RCC1L: variants seen among roughly 807,000 people sequenced by gnomAD.
The protein encoded by RCC1L is RCC1-like G exchanging factor-like protein.
A neutral mutation model predicts 58.6 loss-of-function variants in RCC1L; 46 were observed. That is an observed-to-expected ratio of 0.79 (90% CI 0.62 to 1.00). The LOEUF (loss-of-function observed/expected upper bound fraction) is 1.00, where lower values mean the gene tolerates loss of function less well. RCC1L is among the 50% of genes least tolerant of loss of function. The pLI is 0.00. For missense variants in RCC1L, 636 were observed against 623.6 expected, an observed-to-expected ratio of 1.02 and a Z score of -0.21; for synonymous variants, 281 against 262.9, an observed-to-expected ratio of 1.07 and a Z score of -0.67.
At chr7:75,038,751 AG>A (rs1327450418), downstream of RCC1L, among the ~76,000 whole-genome samples, 1 of 152,112 alleles carries the variant, frequency 6.6e-6, no homozygotes. Context: ...GGCACCCACC[AG>A]GGGGCCCTTG....
intron 9 of RCC1L, among the ~76,000 whole-genome samples, chr7:75,055,250 C>T (rs1263611004): frequency 1.3e-5 from 2 of 152,232 alleles, no homozygotes; most frequent in Non-Finnish European, 2.9e-5. Context: ...CAAATTGAAC[C>T]CACGGTAACT....
In RCC1L at chr7:75,034,048, GA is replaced by G. The variant is rs1407742584; in HGVS notation, c.1318-5970del. On this transcript the variant is annotated intron_variant, in intron 10 of 10. Coordinates refer to the RCC1L transcript ENST00000614461. Reference sequence around the variant, plus strand: ...CGGAAAGAAAATATGCACCGAAAGGGAATGTGTGCAATGAAATCATGGTGAC... The same window carrying G: ...CGGAAAGAAAATATGCACCGAAAGGGATGTGTGCAATGAAATCATGGTGAC... Among the ~76,000 whole-genome samples the G allele has an allele frequency of 7.2e-5, 11 of 152,268 alleles. No individual in the cohort carries two copies. The East Asian group carries it at 1.9e-3, about 27-fold the overall frequency.
intron 9 of RCC1L, chr7:75,055,645 CTT>C (rs781930587): frequency 8.0e-5 from 42 of 522,882 alleles, no homozygotes; most frequent in Non-Finnish European, 1.3e-4. Flanking sequence ...CGGGTGCTCT[CTT>C]GAGAAAATGC....
intron 10 of RCC1L, among the ~76,000 whole-genome samples, chr7:75,047,256 C>T (rs1053771176): frequency 1.3e-5 from 2 of 152,074 alleles, no homozygotes; most frequent in African/African-American, 2.4e-5. Flanking sequence ...TGCGCCCGGC[C>T]GCTTTTGTAT....
intron 7 of RCC1L, 73 bp from the exon 8 acceptor site, chr7:75,057,689 TAC>T: frequency 1.4e-6 from 2 of 1,398,108 alleles, no homozygotes; most frequent in Non-Finnish European, 1.0e-6. Context: ...TGGTCTTAGG[TAC>T]AGAGTAGCTG....
At chr7:75,035,279 C>T (rs1383479091) in intron 10 of RCC1L, among the ~76,000 whole-genome samples, 2 of 152,232 alleles carry the variant, frequency 1.3e-5, no homozygotes, top group Non-Finnish European at 2.9e-5. Flanking sequence ...GATCCGCCCG[C>T]CTCGGCCTCC....
At chr7:75,061,893 G>A (rs1372903840) in intron 5 of RCC1L, among the ~76,000 whole-genome samples, 1 of 152,056 alleles carries the variant, frequency 6.6e-6, no homozygotes, top group Non-Finnish European at 1.5e-5. Context: ...CACCTAGTAA[G>A]AAACTGAATC....
Position 75,061,308 on chromosome 7 carries a change from G to A in RCC1L, c.703-17C>T. On this transcript the variant is annotated splice_polypyrimidine_tract_variant and intron_variant, in intron 5 of 10. Coordinates refer to ENST00000610322, the MANE Select transcript of RCC1L (RefSeq NM_030798.5). ...ACAGGCGACCTAGCAGACAAACAGAGGTAAGGGGGATGAGAGGAAATACTT... is the reference window on the plus strand; with the variant it reads ...ACAGGCGACCTAGCAGACAAACAGAAGTAAGGGGGATGAGAGGAAATACTT... 1 of 1,610,976 alleles carries A rather than the reference G, an allele frequency of 6.2e-7. No homozygotes were observed. Among genetic ancestry groups the A allele is most frequent in the South Asian group, 1.1e-5 (1 of 90,994 alleles).
intron 1 of RCC1L, 140 bp downstream of exon 1, chr7:75,073,274 T>C: frequency 2.2e-6 from 1 of 450,036 alleles, no homozygotes; most frequent in Non-Finnish European, 3.8e-6. Context: ...CCTCCTGGGC[T>C]TGCAGCCAGC....
intron 10 of RCC1L, among the ~76,000 whole-genome samples, chr7:75,048,764 G>T (rs1028983686): frequency 6.6e-6 from 1 of 152,238 alleles, no homozygotes; most frequent in African/African-American, 2.4e-5. Flanking sequence ...GCCAGACAAC[G>T]CCTGGTCAAA....
chr7:75,033,093 AAGAT>A (rs1805351105), intron 10 of RCC1L, among the ~76,000 whole-genome samples: 1 of 150,934 alleles, frequency 6.6e-6, no homozygotes, highest in African/African-American at 2.4e-5. Flanking sequence ...AAAAAAAAAA[AAGAT>A]AATTCCACTG....
chr7:75,027,340 A>T (rs1402939978), exon 11 of RCC1L: 1 of 152,410 alleles, frequency 6.6e-6, no homozygotes, highest in African/African-American at 2.4e-5. Flanking sequence ...ATTTGGGGGG[A>T]TGTTGATCCC....
chr7:75,069,642 A>ACCTC (rs1459794474), intron 2 of RCC1L, among the ~76,000 whole-genome samples: 2 of 151,820 alleles, frequency 1.3e-5, no homozygotes, highest in African/African-American at 2.4e-5. Context: ...ACTCACTGCA[A>ACCTC]CCTCCACCTC....
intron 10 of RCC1L, among the ~76,000 whole-genome samples, chr7:75,034,567 TGAA>T (rs1341979747): frequency 3.3e-5 from 5 of 152,164 alleles, no homozygotes; most frequent in African/African-American, 1.2e-4. Context: ...TCTTGGCAAC[TGAA>T]TGTGGAGGTC....
intron 2 of RCC1L, among the ~76,000 whole-genome samples, chr7:75,070,246 ATTTC>A (rs1554445830): frequency 6.6e-6 from 1 of 152,080 alleles, no homozygotes; most frequent in Non-Finnish European, 1.5e-5. Flanking sequence ...TTTCTTTGCT[ATTTC>A]TTTGTTTATG....
chr7:75,038,082 C>T (rs1008754098), downstream of RCC1L, among the ~76,000 whole-genome samples: 3 of 152,164 alleles, frequency 2.0e-5, no homozygotes, highest in African/African-American at 2.4e-5. Context: ...GCCTGGTGCA[C>T]GATCACAGGC....
chr7:75,058,542 T>C, intron 7 of RCC1L, 46 bp downstream of exon 7: 2 of 1,554,984 alleles, frequency 1.3e-6, no homozygotes, highest in Non-Finnish European at 1.7e-6. Flanking sequence ...CTTAACACTT[T>C]AATGTTTCCA....
At chr7:75,065,799 C>G (rs192956380) in intron 3 of RCC1L, among the ~76,000 whole-genome samples, 69 of 152,028 alleles carry the variant, frequency 4.5e-4, no homozygotes, top group African/African-American at 1.6e-3. Context: ...GGGCGGATCA[C>G]CTGAGGTCAG....
chr7:75,069,980 A>G (rs140692956), intron 2 of RCC1L, among the ~76,000 whole-genome samples: 41 of 152,350 alleles, frequency 2.7e-4, no homozygotes, highest in Non-Finnish European at 4.7e-4. Flanking sequence ...AACATTTGGA[A>G]TAAAGCCTCC....
Sources: allele counts gnomAD v4.1 joint callset (sites outside exome capture counted in the v4.1 genomes callset), GRCh38; gene constraint gnomAD v4.1.1; transcripts MANE v1.5; gene names NCBI Gene and HGNC (gene_info 2026-07-23, HGNC 2026-07-21).